Variants in GLIPR1 observed in about 807,000 individuals in gnomAD.
GLIPR1 encodes the protein GLI pathogenesis related 1.
GLIPR1 carries 38 observed loss-of-function variants against 30.3 expected under a neutral mutation model. The observed-to-expected ratio is 1.26, with a 90% CI of 0.97 to 1.65. The LOEUF is 1.65. Among genes scored for constraint, GLIPR1 ranks in the 40% most tolerant of loss-of-function variants. The probability of loss-of-function intolerance (pLI) is 0.00; values close to 1 mark genes in which losing one functional copy is unlikely to be tolerated. For synonymous variants in GLIPR1, 122 were observed against 110.6 expected (o/e 1.10, Z -0.65); for missense variants, 285 against 326.5 (o/e 0.87, Z 0.98).
At chr12:75,490,195 TCACACACACACACA>T (rs71829276) in intron 2 of GLIPR1, among the ~76,000 whole-genome samples, 197 bp from the exon 3 acceptor site, 44 of 141,708 alleles carry the variant, frequency 3.1e-4, no homozygotes, top group African/African-American at 8.2e-4. Context: ...TTATCTTATT[TCACACACACACACA>T]CACACACACA....
At chr12:75,498,657 TTTTAA>T (rs779519062) in intron 4 of GLIPR1, 32 bp from the exon 5 acceptor site, 6 of 1,573,662 alleles carry the variant, frequency 3.8e-6, no homozygotes, top group Non-Finnish European at 3.5e-6. Context: ...GTGTCTACCC[TTTTAA>T]TTTTTTTTCT....
At chr12:75,491,550 TG>T (rs1474114313) in intron 3 of GLIPR1, 2 of 152,224 alleles carry the variant, frequency 1.3e-5, no homozygotes, top group Non-Finnish European at 2.9e-5. Context: ...TGACCATTTT[TG>T]TTTTAAGTAC....
At chr12:75,490,567 CA>C (rs752149449) in intron 3 of GLIPR1, 49 bp downstream of exon 3, 7 of 85,892 alleles carry the variant, frequency 8.1e-5, no homozygotes, top group South Asian at 3.0e-4. Flanking sequence ...CCCCCCCCCG[CA>C]AAAAAAAACA....
Position 75,482,030 on chromosome 12 carries a change from A to G in GLIPR1, c.371A>G (p.Tyr124Cys). ...AACTGGTATGACGAAATCCAGGACTATGACTTCAAGACTCGGATATGCAAA... is the reference window on the plus strand; with the variant it reads ...AACTGGTATGACGAAATCCAGGACTGTGACTTCAAGACTCGGATATGCAAA... The part of the protein sequence containing the change: ...ITNWYDEIQD[Y>C]DFKTRICKKV... The change falls in exon 2 of 6, where the codon TAT (tyrosine) becomes TGT (cysteine). Residue 124 changes from tyrosine to cysteine, a missense_variant. Coordinates refer to ENST00000266659, the MANE Select transcript of GLIPR1 (RefSeq NM_006851.3). 1 of 1,614,016 alleles carries G rather than the reference A, an allele frequency of 6.2e-7. No homozygotes were observed.
At position 75,502,271 on chromosome 12, in the gene GLIPR1, C is replaced by A; in HGVS notation, c.*3293C>A. 1 of 295,084 alleles carries A rather than the reference C, an allele frequency of 3.4e-6. No homozygotes were observed. The highest frequency in any genetic ancestry group is 6.3e-6 in the Non-Finnish European group (1 of 159,972). 18.3% of individuals were successfully genotyped at this position (295,084 alleles called of 1,614,324 possible). A position where few individuals can be genotyped will look rare whatever the true frequency, so the allele number is the denominator to read the frequency against. On this transcript the variant is annotated 3_prime_UTR_variant, in exon 6 of 6. Coordinates refer to ENST00000266659, the MANE Select transcript of GLIPR1 (RefSeq NM_006851.3). ...TGATTCAGAAAAGTGTGAGAAGAAA[C>A]TGGAGAGAGAGTTTTGGGGAAAATT...
chr12:75,490,188 TC>T (rs2046313145), intron 2 of GLIPR1, among the ~76,000 whole-genome samples: 14 of 116,516 alleles, frequency 1.2e-4, no homozygotes, highest in Admixed American at 2.1e-4. Context: ...TCAAAAATTA[TC>T]TTATTTCACA....
intron 2 of GLIPR1, 51 bp downstream of exon 2, chr12:75,482,130 G>C: frequency 6.6e-7 from 1 of 1,525,290 alleles, no homozygotes; most frequent in Non-Finnish European, 9.0e-7. Context: ...AGTATGAGGA[G>C]AAAAATTGTA....
At chr12:75,495,704 T>C (rs749244340) in intron 4 of GLIPR1, 42 bp downstream of exon 4, 2 of 1,073,908 alleles carry the variant, frequency 1.9e-6, no homozygotes, top group East Asian at 4.8e-5. Context: ...AACATAATAG[T>C]AACATGTAAC....
chr12:75,484,612 G>A (rs1377478478), intron 2 of GLIPR1: 1 of 152,200 alleles, frequency 6.6e-6, no homozygotes, highest in African/African-American at 2.4e-5. Flanking sequence ...GTCAATGAAG[G>A]GAGATGGGGT....
In GLIPR1 at chr12:75,499,689, C is replaced by T; in HGVS notation, c.*711C>T. 2 of 567,258 alleles carry T rather than the reference C, an allele frequency of 3.5e-6. No individual in the cohort carries two copies. Among genetic ancestry groups the T allele is most frequent in the Non-Finnish European group, 5.8e-6 (2 of 346,888 alleles). 35.1% of individuals were successfully genotyped at this position (567,258 alleles called of 1,614,324 possible). A position where few individuals can be genotyped will look rare whatever the true frequency, so the allele number is the denominator to read the frequency against. ...TAAAGAACACTCTTCTATGAACAAC[C>T]ACCACCACCAAAAAAAAAAAAAGCC... is the stretch of plus-strand genomic sequence containing the variant. On this transcript the variant is annotated 3_prime_UTR_variant, in exon 6 of 6. Coordinates refer to ENST00000266659, the MANE Select transcript of GLIPR1 (RefSeq NM_006851.3).
intron 2 of GLIPR1, chr12:75,483,420 C>T (rs1266086946): frequency 2.0e-5 from 3 of 152,114 alleles, no homozygotes; most frequent in African/African-American, 4.8e-5. Context: ...ATGTCTTAGT[C>T]CAGATTCTTG....
intron 4 of GLIPR1, chr12:75,497,375 T>C (rs573710731): frequency 1.3e-5 from 2 of 152,326 alleles, no homozygotes; most frequent in South Asian, 4.1e-4. Context: ...CCTTGGACTC[T>C]TGAGAAAACA....
At position 75,501,568 on chromosome 12, in the gene GLIPR1, A is replaced by G; in HGVS notation, c.*2590A>G. ...ATTAGCTGCCTCTAAATTATAAATTATCTCAGCCATCCCTTGTCCTTAGGA... is the reference window on the plus strand; with the variant it reads ...ATTAGCTGCCTCTAAATTATAAATTGTCTCAGCCATCCCTTGTCCTTAGGA... On this transcript the variant is annotated 3_prime_UTR_variant, in exon 6 of 6. Transcript: ENST00000266659. 1.7e-6 allele frequency: 1 copy of G among 593,748 alleles called. No individual in the cohort carries two copies. Among genetic ancestry groups the G allele is most frequent in the Non-Finnish European group, 2.9e-6 (1 of 340,128 alleles). The allele number at this position is 593,748 out of a possible 1,614,324, so 36.8% of individuals were successfully genotyped here.
At chr12:75,491,278 C>A (rs1009407996) in intron 3 of GLIPR1, 5 of 152,112 alleles carry the variant, frequency 3.3e-5, no homozygotes, top group Admixed American at 1.3e-4. Context: ...CCTATTACTA[C>A]CCCTGTTTGG....
rs2046403444 is a variant in GLIPR1, at chr12:75,502,752, ACT to A, written c.*3775_*3776del. Reference sequence around the variant, plus strand: ...TTAAGAACAAGTCAATCGAGACATCACTGTTTCAAGAAGCTTACACAGCTACA... The same window carrying A: ...TTAAGAACAAGTCAATCGAGACATCAGTTTCAAGAAGCTTACACAGCTACA... On this transcript the variant is annotated 3_prime_UTR_variant, in exon 6 of 6. Transcript: ENST00000266659. 1 of 152,050 alleles carries A rather than the reference ACT, an allele frequency of 6.6e-6. No homozygotes were observed. Among genetic ancestry groups the A allele is most frequent in the Admixed American group, 6.6e-5 (1 of 15,222 alleles). 9.4% of individuals were successfully genotyped at this position (152,050 alleles called of 1,614,324 possible). A position where few individuals can be genotyped will look rare whatever the true frequency, so the allele number is the denominator to read the frequency against.
At chr12:75,487,865 G>C in intron 2 of GLIPR1, 4 of 451,896 alleles carry the variant, frequency 8.9e-6, no homozygotes, top group South Asian at 6.3e-5. Context: ...TAAAAGAATG[G>C]CTACTCCATA....
chr12:75,500,471 T>TATTAATTGAA lies in GLIPR1; in HGVS notation c.*1494_*1503dup, dbSNP rs2046384487. 1 of 134,378 alleles carries TATTAATTGAA rather than the reference T, an allele frequency of 7.4e-6. No homozygotes were observed. Among genetic ancestry groups the TATTAATTGAA allele is most frequent in the Admixed American group, 7.5e-5 (1 of 13,324 alleles). The allele number at this position is 134,378 out of a possible 1,614,324, so 8.3% of individuals were successfully genotyped here. On this transcript the variant is annotated 3_prime_UTR_variant, in exon 6 of 6. Coordinates refer to ENST00000266659, the MANE Select transcript of GLIPR1 (RefSeq NM_006851.3). ...TAAAGTTTTCCAAATATTAATTCAATATTAATTGAATATTCAATGAATTAA... is the reference window on the plus strand; with the variant it reads ...TAAAGTTTTCCAAATATTAATTCAATATTAATTGAAATTAATTGAATATTCAATGAATTAA...
intron 2 of GLIPR1, 84 bp from the exon 3 acceptor site, chr12:75,490,322 A>G: frequency 1.3e-6 from 1 of 763,702 alleles, no homozygotes; most frequent in Non-Finnish European, 2.3e-6. Context: ...AGAGTGGTAT[A>G]CCTCACCATG....
At chr12:75,486,392 G>C (rs984758348) in intron 2 of GLIPR1, among the ~76,000 whole-genome samples, 5 of 152,146 alleles carry the variant, frequency 3.3e-5, no homozygotes, top group Non-Finnish European at 7.4e-5. Flanking sequence ...AAGAATATTT[G>C]CTGAGTGCTT....
Sources: allele counts gnomAD v4.1 joint callset (sites outside exome capture counted in the v4.1 genomes callset), GRCh38; gene constraint gnomAD v4.1.1; transcripts MANE v1.5; gene names NCBI Gene and HGNC (gene_info 2026-07-23, HGNC 2026-07-21).